The following LINGO2 variants were observed in gnomAD, a reference collection of about 807,000 sequenced individuals.
LINGO2 encodes leucine rich repeat and Ig domain containing 2.
Under a neutral mutation model 30.6 loss-of-function variants are expected in LINGO2, and 14 were observed. The ratio of observed to expected loss-of-function variants is 0.46; its 90% confidence interval spans 0.30 to 0.72. The LOEUF (loss-of-function observed/expected upper bound fraction) is 0.72, where lower values mean the gene tolerates loss of function less well. Ranked by LOEUF, LINGO2 falls within the 30% of genes least tolerant of loss-of-function variation. The pLI is 0.07. For missense variants in LINGO2, 729 were observed against 751.7 expected, an observed-to-expected ratio of 0.97 and a Z score of 0.35; for synonymous variants, 317 against 288.5, an observed-to-expected ratio of 1.10 and a Z score of -1.00.
chr9:28,495,152 T>A (rs1819556012), intron 1 of LINGO2, among the ~76,000 whole-genome samples: 1 of 150,584 alleles, frequency 6.6e-6, no homozygotes, highest in South Asian at 2.1e-4. Context: ...AAAATTTTTT[T>A]CCCATTCTGT....
intron 1 of LINGO2, among the ~76,000 whole-genome samples, chr9:28,525,182 T>C (rs1466022421): frequency 6.6e-6 from 1 of 152,192 alleles, no homozygotes. Context: ...CTACTAGGAT[T>C]ATTATAATAA....
rs188147255 is a variant in LINGO2 at position 28,302,477 on chromosome 9, G to C, written c.-245-7111C>G. ...GTGGATTACTTGAGCTCAGGAGTTC[G>C]AGATCAGCCTGGGCAACATGGTGAA... On this transcript the variant is annotated intron_variant, in intron 3 of 5. Transcript: ENST00000379992. Among the ~76,000 whole-genome samples the C allele has an allele frequency of 2.6e-5, 4 of 152,110 alleles. 1 individual carries two copies. Among genetic ancestry groups the C allele is most frequent in the Admixed American group, 1.3e-4 (2 of 15,266 alleles).
intron 3 of LINGO2, among the ~76,000 whole-genome samples, chr9:28,320,319 G>A (rs1824993473): frequency 6.6e-6 from 1 of 152,108 alleles, no homozygotes; most frequent in South Asian, 2.1e-4. Flanking sequence ...TCACTGAACT[G>A]AAGGGTTCTT....
At chr9:28,795,192 A>T in the LINGO2 span, among the ~76,000 whole-genome samples, 1 of 152,202 alleles carries the variant, frequency 6.6e-6, no homozygotes, top group African/African-American at 2.4e-5. Context: ...AAATAAGTTC[A>T]TAAAGCAAGG....
At chr9:28,416,398 A>T (rs1173200512) in intron 2 of LINGO2, among the ~76,000 whole-genome samples, 1 of 152,198 alleles carries the variant, frequency 6.6e-6, no homozygotes, top group Non-Finnish European at 1.5e-5. Context: ...TCACACACAC[A>T]AAACTGATTT....
At chr9:28,586,092 T>C (rs190034681) in intron 1 of LINGO2, among the ~76,000 whole-genome samples, 1 of 151,978 alleles carries the variant, frequency 6.6e-6, no homozygotes, top group South Asian at 2.1e-4. Flanking sequence ...CATGATAAAG[T>C]CTGTTTTAGA....
intron 5 of LINGO2, among the ~76,000 whole-genome samples, chr9:27,985,309 T>G (rs1451180491): frequency 6.6e-6 from 1 of 151,878 alleles, no homozygotes; most frequent in African/African-American, 2.4e-5. Context: ...AAAATAGTAT[T>G]TCAAATTAAA....
At chr9:29,136,798 C>T in the LINGO2 span, among the ~76,000 whole-genome samples, 2 of 152,130 alleles carry the variant, frequency 1.3e-5, no homozygotes, top group African/African-American at 4.8e-5. Flanking sequence ...TTCTCATCTC[C>T]ATTCCATAAA....
At chr9:28,003,662 C>A (rs1028244298) in intron 5 of LINGO2, among the ~76,000 whole-genome samples, 4 of 152,126 alleles carry the variant, frequency 2.6e-5, no homozygotes, top group Non-Finnish European at 5.9e-5. Context: ...GGGGTTTCAC[C>A]ATGTTAGCCA....
chr9:28,042,955 A>C (rs1211599717), intron 4 of LINGO2, among the ~76,000 whole-genome samples: 1 of 152,220 alleles, frequency 6.6e-6, no homozygotes, highest in Non-Finnish European at 1.5e-5. Flanking sequence ...AAAATCCCGT[A>C]AACATTTCTA....
intron 1 of LINGO2, among the ~76,000 whole-genome samples, chr9:28,605,950 G>A (rs1223507420): frequency 1.3e-5 from 2 of 152,022 alleles, no homozygotes; most frequent in Admixed American, 6.6e-5. Flanking sequence ...GGTAGCTTAT[G>A]CTATCAGAGT....
the LINGO2 span, among the ~76,000 whole-genome samples, chr9:29,161,886 G>A: frequency 6.6e-6 from 1 of 151,554 alleles, no homozygotes; most frequent in South Asian, 2.1e-4. Flanking sequence ...ACAGTTCATT[G>A]GGTAGGGCTG....
the LINGO2 span, among the ~76,000 whole-genome samples, chr9:28,774,368 A>AT: frequency 6.6e-6 from 1 of 151,944 alleles, no homozygotes; most frequent in African/African-American, 2.4e-5. Context: ...TGTTAGTTGA[A>AT]TTTTTTTTGG....
the LINGO2 span, among the ~76,000 whole-genome samples, chr9:28,716,569 C>T: frequency 6.6e-6 from 1 of 151,932 alleles, no homozygotes; most frequent in African/African-American, 2.4e-5. Context: ...AAAGCAAGAG[C>T]AAAGAAAAAC....
intron 3 of LINGO2, among the ~76,000 whole-genome samples, chr9:28,316,677 C>T (rs531525085): frequency 1.1e-4 from 16 of 152,116 alleles, no homozygotes; most frequent in Admixed American, 7.2e-4. Flanking sequence ...TTTATGAAAC[C>T]AATATACACA....
At chr9:28,527,167 C>T (rs1821068262) in intron 1 of LINGO2, among the ~76,000 whole-genome samples, 1 of 152,234 alleles carries the variant, frequency 6.6e-6, no homozygotes, top group Non-Finnish European at 1.5e-5. Flanking sequence ...GCTGTACAGG[C>T]AAGCAAACTT....
At chr9:28,789,489 C>G in the LINGO2 span, among the ~76,000 whole-genome samples, 2 of 152,126 alleles carry the variant, frequency 1.3e-5, no homozygotes, top group African/African-American at 4.8e-5. Flanking sequence ...TCATCTCTAT[C>G]TCTAGGAAAG....
At chr9:28,093,161 C>G (rs574505941) in intron 4 of LINGO2, among the ~76,000 whole-genome samples, 1 of 152,168 alleles carries the variant, frequency 6.6e-6, no homozygotes, top group South Asian at 2.1e-4. Context: ...TTTCAATTAA[C>G]TCTTAGACTA....
chr9:28,044,832 G>C (rs1416866714), intron 4 of LINGO2, among the ~76,000 whole-genome samples: 2 of 152,150 alleles, frequency 1.3e-5, no homozygotes, highest in Non-Finnish European at 1.5e-5. Flanking sequence ...GTAGGTTGAA[G>C]AGAAAGCTGA....
Sources: allele counts gnomAD v4.1 joint callset (sites outside exome capture counted in the v4.1 genomes callset), GRCh38; gene constraint gnomAD v4.1.1; transcripts MANE v1.5; gene names NCBI Gene and HGNC (gene_info 2026-07-23, HGNC 2026-07-21).